Variants in ABCF3 observed in about 807,000 individuals in gnomAD.
The protein encoded by ABCF3 is ATP-binding cassette sub-family F member 3.
In ABCF3, 62 loss-of-function variants were observed where a neutral mutation model predicts 94.3. That is an observed-to-expected ratio of 0.66 (90% confidence interval 0.54 to 0.81). ABCF3 has a LOEUF of 0.81. ABCF3 is among the 40% of genes least tolerant of loss of function. The pLI is 0.00. For missense variants in ABCF3, 843 were observed against 925.3 expected (o/e 0.91, Z 1.15); for synonymous variants, 355 against 361.1 (o/e 0.98, Z 0.19).
At position 184,189,653 on chromosome 3, in the gene ABCF3, G is replaced by C. The variant is rs144668306; in HGVS notation, c.1210G>C (p.Gly404Arg). 6.2e-7 allele frequency: 1 copy of C among 1,614,196 alleles called. No homozygotes were observed. Among genetic ancestry groups the C allele is most frequent in the Non-Finnish European group, 8.5e-7 (1 of 1,180,042 alleles). ...CCACCTGCACAGCCAGCGGCTAGATGGTTACCGGGGAGACTTTGAGACCTT... is the reference window on the plus strand; with the variant it reads ...CCACCTGCACAGCCAGCGGCTAGATCGTTACCGGGGAGACTTTGAGACCTT... ...IIHLHSQRLDGYRGDFETFIK... is the reference protein window; with the variant it reads ...IIHLHSQRLDRYRGDFETFIK... The change falls in exon 13 of 21, where the codon GGT (glycine) becomes CGT (arginine). Residue 404 changes from glycine to arginine, a missense_variant. By Grantham distance (125) the Gly-to-Arg change is moderately radical. Transcript: ENST00000429586.
In ABCF3 at chr3:184,193,564, G is replaced by A. The variant is rs981982530; in HGVS notation, c.1996G>A (p.Asp666Asn). 4.3e-6 allele frequency: 7 copies of A among 1,614,156 alleles called. No individual in the cohort carries two copies. Among genetic ancestry groups the A allele is most frequent in the South Asian group, 1.1e-5 (1 of 91,086 alleles). The change falls in exon 21 of 21, where the codon GAT (aspartate) becomes AAT (asparagine). Residue 666 changes from aspartate to asparagine, a missense_variant. By Grantham distance (23) the Asp-to-Asn change is conservative (BLOSUM62 1). Transcript: ENST00000429586. This position sits in a 1 kb window ranked among gnomAD's most constrained non-coding sequence, Gnocchi z 5.2. ...FRGGVILVSH[D>N]ERFIRLVCRE... ...GGGTGGTGTGATTCTGGTGTCCCAC[G>A]ATGAGCGCTTTATCAGGCTGGTGTG...
In ABCF3 at chr3:184,187,217, AGTTTTGTTTT is replaced by A. The variant is rs61291330; in HGVS notation, c.302-159_302-150del. On this transcript the variant is annotated intron_variant, in intron 3 of 20. Coordinates refer to ENST00000429586, the MANE Select transcript of ABCF3 (RefSeq NM_018358.3). ...CTATGCCTCTGTATCCTTCTACGTG[AGTTTTGTTTT>A]GTTTTGTTTTGTTTTGTTTTTAGTG... The A allele has an allele frequency of 2.4e-4, 177 of 742,646 alleles. 1 individual carries two copies. Among genetic ancestry groups the A allele is most frequent in the South Asian group, 1.3e-3 (84 of 63,208 alleles). The allele number at this position is 742,646 out of a possible 1,614,324, so 46.0% of individuals were successfully genotyped here. A position where few individuals can be genotyped will look rare whatever the true frequency, so the allele number is the denominator to read the frequency against.
At position 184,186,256 on chromosome 3, in the gene ABCF3, G is replaced by A. The variant is rs778290934; in HGVS notation, c.49G>A (p.Gly17Arg). 1.9e-6 allele frequency: 3 copies of A among 1,614,120 alleles called. No individual in the cohort carries two copies. Among genetic ancestry groups the A allele is most frequent in the Admixed American group, 1.7e-5 (1 of 60,010 alleles). ...ILRSEFPEID[G>R]QVFDYVTGVL... Reference sequence around the variant, plus strand: ...GCGGAGCGAGTTCCCCGAAATTGACGGACAAGTCTTCGACTACGTGACCGG... The same window carrying A: ...GCGGAGCGAGTTCCCCGAAATTGACAGACAAGTCTTCGACTACGTGACCGG... The change falls in exon 1 of 21, where the codon GGA (glycine) becomes AGA (arginine). Residue 17 changes from glycine to arginine, a missense_variant. Coordinates refer to ENST00000429586, the MANE Select transcript of ABCF3 (RefSeq NM_018358.3).
rs755019939 is a variant in ABCF3 at position 184,189,704 on chromosome 3, C to T, written c.1261C>T (p.Leu421Phe). Residue 421 changes from leucine (L) to phenylalanine (F), a missense_variant, in exon 13 of 21, where the codon CTC becomes TTC. Physicochemically the swap from Leu to Phe is conservative, Grantham distance 22. Transcript: ENST00000429586. ...CATCAAGAGTAAGCAGGAGCGGCTG[C>T]TCAACCAGCAGCGTGAATATGAGGC... Reference protein sequence around the residue: ...TFIKSKQERLLNQQREYEAQQ... With the variant: ...TFIKSKQERLFNQQREYEAQQ... The T allele has an allele frequency of 2.5e-6, 4 of 1,614,062 alleles. No individual in the cohort carries two copies. The highest frequency in any genetic ancestry group is 2.2e-5 in the South Asian group (2 of 91,084).
At chr3:184,192,522 T>C in intron 16 of ABCF3, 79 bp from the exon 17 acceptor site, 1 of 1,337,348 alleles carries the variant, frequency 7.5e-7, no homozygotes, top group East Asian at 2.4e-5. Flanking sequence ...TCAACACTTT[T>C]TAGTGCCCAC....
At position 184,187,392 on chromosome 3, in the gene ABCF3, T is replaced by A. The variant is rs1284747892; in HGVS notation, c.302-5T>A. The A allele has an allele frequency of 6.2e-7, 1 of 1,613,878 alleles. No homozygotes were observed. The highest frequency in any genetic ancestry group is 8.5e-7 in the Non-Finnish European group (1 of 1,180,040). Reference sequence around the variant, plus strand: ...GAAGGTGACTGCTTTTCTTATCGCTTACAGACTGTGGAACCAAACTTCCAG... The same window carrying A: ...GAAGGTGACTGCTTTTCTTATCGCTAACAGACTGTGGAACCAAACTTCCAG... On this transcript the variant is annotated splice_region_variant and splice_polypyrimidine_tract_variant and intron_variant, in intron 3 of 20. Coordinates refer to ENST00000429586, the MANE Select transcript of ABCF3 (RefSeq NM_018358.3).
At chr3:184,186,757 C>T (rs751000127) in intron 2 of ABCF3, 39 bp from the exon 3 acceptor site, 1 of 1,602,820 alleles carries the variant, frequency 6.2e-7, no homozygotes, top group South Asian at 1.1e-5. Context: ...GCTTTTCCCT[C>T]AACTCCTAAC....
At chr3:184,189,778 G>C in intron 13 of ABCF3, 21 bp downstream of exon 13, 1 of 1,613,928 alleles carries the variant, frequency 6.2e-7, no homozygotes, top group Non-Finnish European at 8.5e-7. Flanking sequence ...TGGCAGGGCT[G>C]GGGGTCCCAT....
intron 4 of ABCF3, 41 bp downstream of exon 4, chr3:184,187,484 G>T: frequency 6.3e-7 from 1 of 1,596,460 alleles, no homozygotes; most frequent in Non-Finnish European, 8.6e-7. Context: ...TCTGTGATGG[G>T]GTTGGGAGTT....
chr3:184,188,073 G>A (rs1715756630), intron 6 of ABCF3, 68 bp from the exon 7 acceptor site: 1 of 1,611,264 alleles, frequency 6.2e-7, no homozygotes, highest in Admixed American at 1.7e-5. Context: ...ACAATGTTAG[G>A]TTTGTCATTA....
intron 3 of ABCF3, 116 bp from the exon 4 acceptor site, chr3:184,187,280 AG>A (rs1715694666): frequency 9.1e-7 from 1 of 1,097,116 alleles, no homozygotes; most frequent in African/African-American, 1.5e-5. Context: ...ATCTATCTGC[AG>A]TATTATAAGG....
chr3:184,187,466 G>T, intron 4 of ABCF3, 23 bp downstream of exon 4: 1 of 1,610,008 alleles, frequency 6.2e-7, no homozygotes, highest in Non-Finnish European at 8.5e-7. Flanking sequence ...AAGCAAGGGA[G>T]GGGACTGTCT....
At position 184,189,610 on chromosome 3, in the gene ABCF3, C is replaced by T; in HGVS notation, c.1167C>T (p.Ala389=). 6.2e-7 allele frequency: 1 copy of T among 1,614,224 alleles called. No individual in the cohort carries two copies. The highest frequency in any genetic ancestry group is 8.5e-7 in the Non-Finnish European group (1 of 1,180,050). The change falls in exon 13 of 21, where the codon GCC becomes GCT. Residue 389 remains alanine (A), a synonymous_variant. Transcript: ENST00000429586. ...VVSHDRNFLN[A]IATDIIHLHS... ...CCCACGACCGCAACTTCTTGAATGC[C>T]ATCGCCACAGACATCATCCACCTGC...
At chr3:184,188,631 G>T (rs1715804786) in intron 7 of ABCF3, 130 bp from the exon 8 acceptor site, 1 of 1,091,164 alleles carries the variant, frequency 9.2e-7, no homozygotes, top group East Asian at 2.6e-5. Flanking sequence ...TGAGCACTGT[G>T]CAAACCCTTC....
rs991308869 is a variant in ABCF3 at position 184,193,586 on chromosome 3, T to C, written c.2018T>C (p.Val673Ala). Residue 673 changes from valine (V) to alanine (A), a missense_variant, in exon 21 of 21, where the codon GTG becomes GCG. Transcript: ENST00000429586. This position sits in a 1 kb window ranked among gnomAD's most constrained non-coding sequence, Gnocchi z 5.2. Reference protein sequence around the residue: ...VSHDERFIRLVCRELWVCEGG... With the variant: ...VSHDERFIRLACRELWVCEGG... Reference sequence around the variant, plus strand: ...CACGATGAGCGCTTTATCAGGCTGGTGTGCCGGGAGTTGTGGGTATGCGAA... The same window carrying C: ...CACGATGAGCGCTTTATCAGGCTGGCGTGCCGGGAGTTGTGGGTATGCGAA... 1 of 1,614,206 alleles carries C rather than the reference T, an allele frequency of 6.2e-7. No individual in the cohort carries two copies. The highest frequency in any genetic ancestry group is 1.7e-5 in the Admixed American group (1 of 60,028).
chr3:184,186,639 A>G lies in ABCF3; in HGVS notation c.206A>G (p.Tyr69Cys), dbSNP rs377432816. ...ATCAGGGCCGTGTGCCAGCGCATGT[A>G]CAACACTCTGCGTCTGTATGTGCCA... ...AGIRAVCQRM[Y>C]NTLRLAEPQS... Residue 69 changes from tyrosine (Y) to cysteine (C), a missense_variant, in exon 2 of 21, where the codon TAC becomes TGC. By Grantham distance (194) the Tyr-to-Cys change is radical. Coordinates refer to ENST00000429586, the MANE Select transcript of ABCF3 (RefSeq NM_018358.3). 6 of 1,610,710 alleles carry G rather than the reference A, an allele frequency of 3.7e-6. No individual in the cohort carries two copies. The highest frequency in any genetic ancestry group is 5.1e-6 in the Non-Finnish European group (6 of 1,178,134).
At position 184,192,912 on chromosome 3, in the gene ABCF3, G is replaced by C. The variant is rs1716119020; in HGVS notation, c.1750+16G>C. The C allele has an allele frequency of 1.2e-6, 2 of 1,613,274 alleles. No individual in the cohort carries two copies. Among genetic ancestry groups the C allele is most frequent in the African/African-American group, 1.3e-5 (1 of 75,020 alleles). On this transcript the variant is annotated intron_variant, in intron 18 of 20. Coordinates refer to ENST00000429586, the MANE Select transcript of ABCF3 (RefSeq NM_018358.3). ...AAGTTTCCTGGTGAGTTAGGGATTT[G>C]AGTCGGGGGAAGAGTTTGAGTAGGG...
In ABCF3 at chr3:184,193,484, C is replaced by G. The variant is rs763908927; in HGVS notation, c.1971+32C>G. 1 of 1,614,120 alleles carries G rather than the reference C, an allele frequency of 6.2e-7. No individual in the cohort carries two copies. The highest frequency in any genetic ancestry group is 1.7e-5 in the Admixed American group (1 of 60,022). ...GTGCCTTCACCCTGACCACTCCTCC[C>G]AGGCCTCGGTGCCTCTTGTGTCCCC... On this transcript the variant is annotated intron_variant, in intron 20 of 20. Coordinates refer to ENST00000429586, the MANE Select transcript of ABCF3 (RefSeq NM_018358.3). The surrounding 1 kb of genome is among the most constrained non-coding windows in gnomAD (Gnocchi z 5.2).
At position 184,188,922 on chromosome 3, in the gene ABCF3, C is replaced by CT. The variant is rs1443393816; in HGVS notation, c.918-6dup. ...CCAACTGAGTTCTTCGATTTCTTCT[C>CT]TACTAGGGCATCAGTCATTCTCGCT... On this transcript the variant is annotated splice_polypyrimidine_tract_variant and splice_region_variant and intron_variant, in intron 8 of 20. Transcript: ENST00000429586. 6.2e-7 allele frequency: 1 copy of CT among 1,614,102 alleles called. No individual in the cohort carries two copies. The highest frequency in any genetic ancestry group is 1.3e-5 in the African/African-American group (1 of 74,940).
Sources: allele counts gnomAD v4.1 joint callset, GRCh38; gene constraint gnomAD v4.1.1; non-coding constraint Gnocchi (gnomAD v3.1); transcripts MANE v1.5; gene names NCBI Gene and HGNC (gene_info 2026-07-23, HGNC 2026-07-21).